PHYH: variants seen among roughly 807,000 people sequenced by gnomAD.
PHYH encodes phytanoyl-CoA 2-hydroxylase.
A neutral mutation model predicts 38.5 loss-of-function variants in PHYH; 32 were observed. That is an observed-to-expected ratio of 0.83 (90% CI 0.63 to 1.12). The LOEUF (loss-of-function observed/expected upper bound fraction) is 1.12. PHYH is among the 50% of genes most tolerant of loss of function. PHYH has a pLI of 0.00. For synonymous variants in PHYH, 166 were observed against 157.9 expected (o/e 1.05, Z -0.38); for missense variants, 426 against 434.8 (o/e 0.98, Z 0.18).
chr10:13,290,338 C>A (rs967945914), intron 5 of PHYH, among the ~76,000 whole-genome samples: 2 of 151,822 alleles, frequency 1.3e-5, no homozygotes, highest in Non-Finnish European at 2.9e-5. Context: ...GGTCCTCACC[C>A]CCCACAACTA....
At chr10:13,283,592 T>C (rs1281739771) in intron 7 of PHYH, 98 bp downstream of exon 7, 2 of 1,282,460 alleles carry the variant, frequency 1.6e-6, no homozygotes, top group East Asian at 4.9e-5. Context: ...TGCAATTTAA[T>C]TAAAATTTTA....
chr10:13,292,693 G>A (rs191267308), intron 4 of PHYH, among the ~76,000 whole-genome samples: 1 of 152,280 alleles, frequency 6.6e-6, no homozygotes, highest in Admixed American at 6.5e-5. Flanking sequence ...AGCACTTTGG[G>A]TGGCCGAGGC....
chr10:13,298,430 G>T (rs552751170), intron 1 of PHYH, among the ~76,000 whole-genome samples, 185 bp from the exon 2 acceptor site: 36 of 152,156 alleles, frequency 2.4e-4, no homozygotes, highest in African/African-American at 8.7e-4. Flanking sequence ...GCCGGGGGCG[G>T]TGGCTCACGT....
chr10:13,293,873 G>A (rs1012637661), intron 4 of PHYH, among the ~76,000 whole-genome samples: 1 of 151,916 alleles, frequency 6.6e-6, no homozygotes, highest in African/African-American at 2.4e-5. Flanking sequence ...CTAAAATCAT[G>A]GCATAGACCA....
intron 8 of PHYH, among the ~76,000 whole-genome samples, chr10:13,280,601 T>C (rs1267638981): frequency 6.6e-6 from 1 of 152,084 alleles, no homozygotes; most frequent in East Asian, 1.9e-4. Context: ...CTGCTTTGGC[T>C]TCCCAAAGTG....
chr10:13,288,544 G>GA lies in PHYH; in HGVS notation c.497-4dup. 4 of 1,613,880 alleles carry GA rather than the reference G, an allele frequency of 2.5e-6. No homozygotes were observed. The highest frequency in any genetic ancestry group is 2.5e-6 in the Non-Finnish European group (3 of 1,179,972). Reference sequence around the variant, plus strand: ...GGGGTGACGGGACGTCTTCTTGCCTGAAAAGAAAACCTGCTACTAAAGGAT... The same window carrying GA: ...GGGGTGACGGGACGTCTTCTTGCCTGAAAAAGAAAACCTGCTACTAAAGGAT... On this transcript the variant is annotated splice_polypyrimidine_tract_variant and splice_region_variant and intron_variant, in intron 5 of 8. Coordinates refer to ENST00000263038, the MANE Select transcript of PHYH (RefSeq NM_006214.4).
intron 6 of PHYH, 134 bp from the exon 7 acceptor site, chr10:13,283,973 T>C: frequency 1.2e-6 from 1 of 869,424 alleles, no homozygotes. Flanking sequence ...AATGTCTAAA[T>C]TAAATGCTTA....
intron 7 of PHYH, among the ~76,000 whole-genome samples, chr10:13,281,924 A>C (rs1230582205): frequency 6.6e-6 from 1 of 152,194 alleles, no homozygotes; most frequent in Non-Finnish European, 1.5e-5. Context: ...TATCTTTATG[A>C]AATTATAGTA....
At chr10:13,299,548 G>T in intron 1 of PHYH, 3 of 1,012,286 alleles carry the variant, frequency 3.0e-6, no homozygotes, top group Non-Finnish European at 3.6e-6. Flanking sequence ...TCTCCCCTCC[G>T]GAGAGGTCCC....
intron 2 of PHYH, among the ~76,000 whole-genome samples, chr10:13,296,980 TAATAA>T (rs1832574673): frequency 6.6e-6 from 1 of 150,688 alleles, no homozygotes; most frequent in Non-Finnish European, 1.5e-5. Flanking sequence ...TAATAAAATA[TAATAA>T]AATAAAAAAT....
At chr10:13,285,328 C>A (rs1018347440) in intron 6 of PHYH, among the ~76,000 whole-genome samples, 1 of 151,908 alleles carries the variant, frequency 6.6e-6, no homozygotes, top group Admixed American at 6.6e-5. Flanking sequence ...GGAGTACAGG[C>A]ACACACCACC....
At chr10:13,299,067 G>C (rs888459540) in intron 1 of PHYH, among the ~76,000 whole-genome samples, 1 of 148,864 alleles carries the variant, frequency 6.7e-6, no homozygotes, top group African/African-American at 2.5e-5. Flanking sequence ...TTGAGCCCAG[G>C]AGTGAGCCGA....
At chr10:13,288,922 CAAAAAAAA>C (rs36019637) in intron 5 of PHYH, among the ~76,000 whole-genome samples, 3 of 40,902 alleles carry the variant, frequency 7.3e-5, no homozygotes, top group African/African-American at 2.2e-4. Context: ...CACCCCCAAC[CAAAAAAAA>C]AAAAAAAAAA....
rs1436380043 is a variant in PHYH, at chr10:13,288,436, C to G, written c.602G>C (p.Arg201Pro). The change falls in exon 6 of 9, where the codon CGG (arginine) becomes CCG (proline). Residue 201 changes from arginine (R) to proline (P), a missense_variant. By Grantham distance (103) the Arg-to-Pro change is moderately radical. Coordinates refer to ENST00000263038, the MANE Select transcript of PHYH (RefSeq NM_006214.4). Reference sequence around the variant, plus strand: ...GAGCACAACCAGACAGCCGTTGTTCCGGCTGATGTGCTCCATCGCCGTCCA... The same window carrying G: ...GAGCACAACCAGACAGCCGTTGTTCGGGCTGATGTGCTCCATCGCCGTCCA... ...CAWTAMEHIS[R>P]NNGCLVVLPG... 2 of 1,614,206 alleles carry G rather than the reference C, an allele frequency of 1.2e-6. No homozygotes were observed. Among genetic ancestry groups the G allele is most frequent in the Non-Finnish European group, 1.7e-6 (2 of 1,180,034 alleles).
chr10:13,282,616 GA>G (rs1327321532), intron 7 of PHYH, among the ~76,000 whole-genome samples: 1 of 145,700 alleles, frequency 6.9e-6, no homozygotes, highest in Non-Finnish European at 1.5e-5. Flanking sequence ...AAGAAAAAAG[GA>G]AAATTGCCAA....
In PHYH at chr10:13,278,328, A is replaced by T. The variant is rs1835337214; in HGVS notation, c.990T>A (p.Leu330=). The change falls in exon 9 of 9, where the codon CTT becomes CTA. Residue 330 remains leucine (L), a synonymous_variant. Transcript: ENST00000263038. ...AAAGATTGGTTCTTTCTCCTTTCAC[A>T]AGTCGAGCTCGAAACATCCAAATAT... is the stretch of plus-strand genomic sequence containing the variant. ...LKDIWMFRAR[L]VKGERTNL is the part of the protein sequence containing the mutation. 1.2e-6 allele frequency: 2 copies of T among 1,612,924 alleles called. No homozygotes were observed. The highest frequency in any genetic ancestry group is 8.5e-7 in the Non-Finnish European group (1 of 1,179,012).
At position 13,283,810 on chromosome 10, in the gene PHYH, G is replaced by A. The variant is rs1342277827; in HGVS notation, c.708C>T (p.Ile236=). 1 of 1,613,946 alleles carries A rather than the reference G, an allele frequency of 6.2e-7. No homozygotes were observed. Among genetic ancestry groups the A allele is most frequent in the Non-Finnish European group, 8.5e-7 (1 of 1,179,924 alleles). The change falls in exon 7 of 9, where the codon ATC becomes ATT. Residue 236 remains isoleucine, a synonymous_variant. Transcript: ENST00000263038. ...EGGVNKMFHG[I]QDYEENKARV... Reference sequence around the variant, plus strand: ...GGGCCTTGTTTTCCTCGTAGTCCTGGATCCCGTGGAACATTTTGTTAACTC... The same window carrying A: ...GGGCCTTGTTTTCCTCGTAGTCCTGAATCCCGTGGAACATTTTGTTAACTC...
At chr10:13,295,811 G>A (rs1335448599) in intron 2 of PHYH, among the ~76,000 whole-genome samples, 6 of 147,624 alleles carry the variant, frequency 4.1e-5, no homozygotes, top group African/African-American at 7.5e-5. Flanking sequence ...CAGCATGGGC[G>A]ACAGAGTGAG....
At chr10:13,281,469 C>T (rs2131631204) in intron 7 of PHYH, among the ~76,000 whole-genome samples, 1 of 151,416 alleles carries the variant, frequency 6.6e-6, no homozygotes, top group East Asian at 1.9e-4. Flanking sequence ...GGACTGCATT[C>T]CACGGCAGTT....
Sources: gnomAD v4.1 joint callset for allele counts (sites outside exome capture counted in the v4.1 genomes callset) on GRCh38, gnomAD v4.1.1 for gene constraint, MANE v1.5 for transcripts, NCBI Gene and HGNC (gene_info 2026-07-23, HGNC 2026-07-21) for gene names.